CIRSR: variants seen among roughly 807,000 people sequenced by gnomAD.
The protein encoded by CIRSR is corepressor of RBPJ and splicing regulator.
chr2:174,358,772 G>A, the CIRSR span, among the ~76,000 whole-genome samples: 3 of 151,754 alleles, frequency 2.0e-5, no homozygotes, highest in African/African-American at 7.3e-5. Context: ...GAGTGCAGTG[G>A]CACAATCTCA....
At chr2:174,365,246 C>A in the CIRSR span, among the ~76,000 whole-genome samples, 1 of 152,142 alleles carries the variant, frequency 6.6e-6, no homozygotes, top group African/African-American at 2.4e-5. Flanking sequence ...TTCCCAAGTT[C>A]CTCATCTCCA....
At chr2:174,370,017 G>A in the CIRSR span, 1 of 1,365,034 alleles carries the variant, frequency 7.3e-7, no homozygotes, top group Non-Finnish European at 9.8e-7. Context: ...CACAGCATCT[G>A]CAAAGGGCAA....
chr2:174,377,856 A>G, the CIRSR span, among the ~76,000 whole-genome samples: 1 of 148,676 alleles, frequency 6.7e-6, no homozygotes, highest in Admixed American at 6.7e-5. Flanking sequence ...AACCAAACTT[A>G]TTCATCAAAT....
At chr2:174,395,445 C>G in the CIRSR span, 1 of 1,116,302 alleles carries the variant, frequency 9.0e-7, no homozygotes, top group East Asian at 2.4e-5. Context: ...CCTAGAGAAG[C>G]GGAGGCTGTC....
the CIRSR span, among the ~76,000 whole-genome samples, chr2:174,383,719 C>CA: frequency 0.086 from 7,144 of 82,954 alleles, 398 homozygotes; most frequent in Non-Finnish European, 0.12. Context: ...GACTCCGTCT[C>CA]AAAAAAAAAA....
chr2:174,382,089 G>A, the CIRSR span, among the ~76,000 whole-genome samples: 3 of 152,122 alleles, frequency 2.0e-5, no homozygotes, highest in East Asian at 1.9e-4. Context: ...AAATGCTGTG[G>A]AAATTATGAC....
At chr2:174,375,240 C>T in the CIRSR span, among the ~76,000 whole-genome samples, 1 of 152,086 alleles carries the variant, frequency 6.6e-6, no homozygotes, top group Non-Finnish European at 1.5e-5. Context: ...GCATGTTTTT[C>T]AGGCTTTTGA....
chr2:174,348,740 G>C, the CIRSR span: 5 of 1,614,128 alleles, frequency 3.1e-6, no homozygotes, highest in South Asian at 5.5e-5. Context: ...TTCTTTCAGA[G>C]CCTCTCTTCT....
At chr2:174,381,623 C>G in the CIRSR span, 1 of 1,090,546 alleles carries the variant, frequency 9.2e-7, no homozygotes, top group Non-Finnish European at 1.3e-6. Context: ...CACCACTGCA[C>G]TCCAGCCTGG....
chr2:174,387,807 TA>T, the CIRSR span: 2 of 1,528,302 alleles, frequency 1.3e-6, no homozygotes, highest in African/African-American at 2.8e-5. Flanking sequence ...AAATGCAAAT[TA>T]AATTGTTGGA....
At chr2:174,381,790 A>G in the CIRSR span, 1 of 1,548,746 alleles carries the variant, frequency 6.5e-7, no homozygotes, top group Non-Finnish European at 8.7e-7. Context: ...AAGTGAAACA[A>G]GACAAAGTTA....
the CIRSR span, among the ~76,000 whole-genome samples, chr2:174,373,108 T>C: frequency 2.0e-5 from 3 of 152,348 alleles, no homozygotes; most frequent in East Asian, 5.8e-4. Flanking sequence ...ACTTTCATCA[T>C]TTTATGTGGC....
chr2:174,351,752 G>A, the CIRSR span: 10 of 1,580,810 alleles, frequency 6.3e-6, no homozygotes, highest in African/African-American at 2.7e-5. Flanking sequence ...CAGTTTGAAT[G>A]TATCATTTAT....
the CIRSR span, among the ~76,000 whole-genome samples, chr2:174,391,702 C>A: frequency 6.6e-6 from 1 of 152,120 alleles, no homozygotes; most frequent in Non-Finnish European, 1.5e-5. Context: ...TAATAACAGG[C>A]TGAAAGAGAT....
At chr2:174,386,820 A>G in the CIRSR span, among the ~76,000 whole-genome samples, 2 of 152,184 alleles carry the variant, frequency 1.3e-5, no homozygotes, top group African/African-American at 2.4e-5. Flanking sequence ...CTATACTAAC[A>G]TGCTGTATTT....
chr2:174,368,937 C>T, the CIRSR span, among the ~76,000 whole-genome samples: 1 of 152,094 alleles, frequency 6.6e-6, no homozygotes, highest in East Asian at 1.9e-4. Flanking sequence ...TTCTTAAGGG[C>T]CCCAGAATTT....
chr2:174,371,407 A>C, the CIRSR span, among the ~76,000 whole-genome samples: 1 of 152,232 alleles, frequency 6.6e-6, no homozygotes, highest in African/African-American at 2.4e-5. Flanking sequence ...GTCAATGATA[A>C]GAATAAGGGC....
chr2:174,354,624 ATT>A, the CIRSR span, among the ~76,000 whole-genome samples: 2 of 81,800 alleles, frequency 2.4e-5, no homozygotes, highest in African/African-American at 1.0e-4. Context: ...TATTTTATAT[ATT>A]ATATAATATA....
the CIRSR span, chr2:174,348,588 C>T: frequency 1.2e-6 from 2 of 1,614,188 alleles, no homozygotes; most frequent in South Asian, 1.1e-5. Context: ...ATGGCTTCTG[C>T]TGTCATTTCT....
Sources: gnomAD v4.1 joint callset for allele counts (sites outside exome capture counted in the v4.1 genomes callset) on GRCh38, gnomAD v4.1.1 for gene constraint, MANE v1.5 for transcripts, NCBI Gene and HGNC (gene_info 2026-07-23, HGNC 2026-07-21) for gene names.